Variants in KCNG3 observed in about 807,000 individuals in gnomAD.
The protein encoded by KCNG3 is potassium voltage-gated channel modifier subfamily G member 3, also known as voltage-gated potassium channel regulatory subunit KCNG3.
In KCNG3, 15 loss-of-function variants were observed where a neutral mutation model predicts 29.0. The ratio of observed to expected loss-of-function variants is 0.52; its 90% confidence interval spans 0.35 to 0.80. The LOEUF (loss-of-function observed/expected upper bound fraction) is 0.80, where lower values mean the gene tolerates loss of function less well. Among genes scored for constraint, KCNG3 ranks in the 30% least tolerant of loss-of-function variants. The pLI, the probability that KCNG3 is intolerant of heterozygous loss-of-function variation, is 0.01. For synonymous variants in KCNG3, 322 were observed against 248.9 expected, an observed-to-expected ratio of 1.29 and a Z score of -2.76; for missense variants, 512 against 605.7, an observed-to-expected ratio of 0.85 and a Z score of 1.62.
At position 42,451,154 on chromosome 2, in the gene KCNG3, G is replaced by A. The variant is rs186439186; in HGVS notation, c.666-6575C>T. Among the ~76,000 whole-genome samples, 930 of 123,190 alleles carry A rather than the reference G, an allele frequency of 7.5e-3. 10 individuals are homozygous for A. The highest frequency in any genetic ancestry group is 0.028 in the African/African-American group (879 of 31,394). 80.8% of individuals were successfully genotyped at this position (123,190 alleles called of 152,430 possible). A position where few individuals can be genotyped will look rare whatever the true frequency, so the allele number is the denominator to read the frequency against. On this transcript the variant is annotated intron_variant, in intron 1 of 1. Transcript: ENST00000306078. ...TGAAAGGCAGAGGTCGCAGTGAGCT[G>A]AGATAGTACCACTGCACTCCAGCCT... is the stretch of plus-strand genomic sequence containing the variant.
At chr2:42,395,598 C>T in the KCNG3 span, among the ~76,000 whole-genome samples, 1 of 152,132 alleles carries the variant, frequency 6.6e-6, no homozygotes, top group Non-Finnish European at 1.5e-5. Context: ...CACTGGTGCT[C>T]CTTGACTTAA....
At position 42,493,106 on chromosome 2, in the gene KCNG3, C is replaced by A; in HGVS notation, c.396G>T (p.Pro132=). 6.3e-7 allele frequency: 1 copy of A among 1,588,944 alleles called. No individual in the cohort carries two copies. Among genetic ancestry groups the A allele is most frequent in the East Asian group, 2.3e-5 (1 of 43,876 alleles). ...DTYTFYSADE[P]GVLGRDEARP... is the part of the protein sequence containing the mutation. ...GCGCCTCGTCGCGGCCCAGCACGCC[C>A]GGCTCGTCGGCCGAGTAGAAGGTGT... The change falls in exon 1 of 2, where the codon CCG becomes CCT. Residue 132 remains proline (P), a synonymous_variant. Transcript: ENST00000306078.
chr2:42,394,336 G>C, the KCNG3 span, among the ~76,000 whole-genome samples: 4 of 152,166 alleles, frequency 2.6e-5, no homozygotes, highest in Admixed American at 2.0e-4. Flanking sequence ...AACAGCCTAA[G>C]GGTGGATATC....
chr2:42,488,215 A>T (rs1018132491), intron 1 of KCNG3, among the ~76,000 whole-genome samples: 3 of 152,222 alleles, frequency 2.0e-5, no homozygotes, highest in African/African-American at 7.2e-5. Flanking sequence ...TTATCCTCAT[A>T]CATAAAAAGT....
At chr2:42,440,946 G>A (rs996067371), downstream of KCNG3, among the ~76,000 whole-genome samples, 51 of 152,216 alleles carry the variant, frequency 3.4e-4, no homozygotes, top group Admixed American at 6.5e-4. Context: ...TCCTCTTTGG[G>A]TATTTTAATT....
the KCNG3 span, among the ~76,000 whole-genome samples, chr2:42,411,569 A>C: frequency 6.6e-6 from 1 of 151,722 alleles, no homozygotes; most frequent in African/African-American, 2.4e-5. Context: ...TGCAACCTCC[A>C]CCTCTTGGGT....
At chr2:42,452,246 T>A (rs865864258) in intron 1 of KCNG3, among the ~76,000 whole-genome samples, 17,870 of 106,580 alleles carry the variant, frequency 0.17, 1,340 homozygotes, top group Middle Eastern at 0.28. Flanking sequence ...TATATATATT[T>A]TTTTTTTTTT....
At chr2:42,448,119 T>C (rs1381757616) in intron 1 of KCNG3, among the ~76,000 whole-genome samples, 1 of 152,188 alleles carries the variant, frequency 6.6e-6, no homozygotes, top group Non-Finnish European at 1.5e-5. Context: ...TTGAGCATCT[T>C]TGCACATGTT....
At chr2:42,401,876 T>C in the KCNG3 span, among the ~76,000 whole-genome samples, 1 of 152,004 alleles carries the variant, frequency 6.6e-6, no homozygotes, top group Admixed American at 6.6e-5. Flanking sequence ...ACAGCGAGAA[T>C]CCGTCTCAAA....
chr2:42,472,904 T>A (rs1673325742), intron 1 of KCNG3, among the ~76,000 whole-genome samples: 2 of 87,174 alleles, frequency 2.3e-5, no homozygotes, highest in African/African-American at 1.0e-4. Context: ...TATATATATA[T>A]TTTTTTTTTT....
downstream of KCNG3, among the ~76,000 whole-genome samples, chr2:42,438,459 T>C (rs1010588000): frequency 6.6e-6 from 1 of 152,210 alleles, no homozygotes; most frequent in Non-Finnish European, 1.5e-5. Context: ...CACTTACTCC[T>C]GGTAGGTGAA....
At chr2:42,477,366 T>C (rs900653193) in intron 1 of KCNG3, among the ~76,000 whole-genome samples, 15 of 132,706 alleles carry the variant, frequency 1.1e-4, no homozygotes, top group African/African-American at 1.8e-4. Context: ...TGTATATACA[T>C]ATATATACAC....
chr2:42,419,143 T>A, the KCNG3 span, among the ~76,000 whole-genome samples: 2 of 150,668 alleles, frequency 1.3e-5, no homozygotes, highest in African/African-American at 4.9e-5. Context: ...GACCGTGTAA[T>A]GTTCCTGACA....
At chr2:42,486,676 T>C (rs911857512) in intron 1 of KCNG3, among the ~76,000 whole-genome samples, 2 of 152,174 alleles carry the variant, frequency 1.3e-5, no homozygotes, top group Non-Finnish European at 2.9e-5. Context: ...CCCAGAACAC[T>C]CTTCTCACTC....
rs149632954 is a variant in KCNG3, at chr2:42,464,600, T to C, written c.666-20021A>G. On this transcript the variant is annotated intron_variant, in intron 1 of 1. Coordinates refer to ENST00000306078, the MANE Select transcript of KCNG3 (RefSeq NM_133329.6). The stretch of plus-strand genomic sequence containing the variant: ...TCATCCAAAGCTTCAGATCTGCCAC[T>C]CTCCGCCTTGTACCATCTGCTCCAA... Among the ~76,000 whole-genome samples the C allele has an allele frequency of 3.0e-4, 46 of 152,278 alleles. No homozygotes were observed. In the East Asian group the frequency reaches 7.3e-3, roughly 24 times the overall value.
chr2:42,435,925 A>G, the KCNG3 span, among the ~76,000 whole-genome samples: 1 of 152,246 alleles, frequency 6.6e-6, no homozygotes. Context: ...TGTCCACATG[A>G]TAATTTGTAC....
intron 1 of KCNG3, among the ~76,000 whole-genome samples, chr2:42,477,388 T>C (rs12999229): frequency 0.73 from 76,052 of 104,560 alleles, 28,355 homozygotes; most frequent in Middle Eastern, 0.82. Context: ...CACATATATA[T>C]ACACACACAC....
chr2:42,492,607 C>T (rs546450588), intron 1 of KCNG3, among the ~76,000 whole-genome samples: 194 of 152,376 alleles, frequency 1.3e-3, no homozygotes, highest in African/African-American at 4.4e-3. Context: ...CTGAGGATTT[C>T]GCCCTCAAGA....
At chr2:42,492,706 C>A in intron 1 of KCNG3, 131 bp downstream of exon 1, 1 of 544,388 alleles carries the variant, frequency 1.8e-6, no homozygotes, top group Admixed American at 1.1e-4. Context: ...TTGGCCGCGC[C>A]TGGGCCTCGC....
Sources: gnomAD v4.1 joint callset for allele counts (sites outside exome capture counted in the v4.1 genomes callset) on GRCh38, gnomAD v4.1.1 for gene constraint, MANE v1.5 for transcripts, NCBI Gene and HGNC (gene_info 2026-07-23, HGNC 2026-07-21) for gene names.